UQCRH: variants seen among roughly 807,000 people sequenced by gnomAD.
UQCRH encodes cytochrome b-c1 complex subunit 6, mitochondrial.
In UQCRH, 14 loss-of-function variants were observed where a neutral mutation model predicts 16.3. The observed-to-expected ratio is 0.86, with a 90% CI of 0.57 to 1.34. UQCRH has a LOEUF of 1.34. Ranked by LOEUF, UQCRH falls within the 40% of genes most tolerant of loss-of-function variation. The pLI is 0.00. For missense variants in UQCRH, 89 were observed against 111.9 expected (o/e 0.80, Z 0.92); for synonymous variants, 41 against 41.9 (o/e 0.98, Z 0.08).
intron 2 of UQCRH, 115 bp downstream of exon 2, chr1:46,309,242 G>A: frequency 2.5e-6 from 3 of 1,212,274 alleles, no homozygotes; most frequent in South Asian, 2.9e-5. Flanking sequence ...AATGGGGGTG[G>A]AATAAGCTTT....
At chr1:46,309,330 T>C in intron 2 of UQCRH, 1 of 562,882 alleles carries the variant, frequency 1.8e-6, no homozygotes, top group Non-Finnish European at 3.0e-6. Flanking sequence ...GCTTCTTCAG[T>C]TGTGGTACCA....
chr1:46,303,726 C>G lies in UQCRH; in HGVS notation c.-41C>G. The G allele has an allele frequency of 3.1e-6, 5 of 1,613,980 alleles. No homozygotes were observed. The highest frequency in any genetic ancestry group is 3.4e-6 in the Non-Finnish European group (4 of 1,179,928). On this transcript the variant is annotated 5_prime_UTR_variant, in exon 1 of 4. Coordinates refer to ENST00000311672, the MANE Select transcript of UQCRH (RefSeq NM_006004.4). ...CTTGATCCTGAACTGGGTTAGGTGCCGCTGTTGCTGCTCGTGTTGAATCTA... is the reference window on the plus strand; with the variant it reads ...CTTGATCCTGAACTGGGTTAGGTGCGGCTGTTGCTGCTCGTGTTGAATCTA...
chr1:46,311,074 C>CAAAA (rs1196243713), intron 3 of UQCRH, among the ~76,000 whole-genome samples: 1 of 144,860 alleles, frequency 6.9e-6, no homozygotes, highest in African/African-American at 2.6e-5. Flanking sequence ...GACTCCATCT[C>CAAAA]AAAAAAAAAA....
chr1:46,305,106 C>T (rs1661341997), intron 1 of UQCRH, among the ~76,000 whole-genome samples: 1 of 150,950 alleles, frequency 6.6e-6, no homozygotes, highest in Admixed American at 6.6e-5. Flanking sequence ...TAGCATGAGT[C>T]CAGGAGTTGG....
Position 46,310,296 on chromosome 1 carries a change from T to C in UQCRH, c.223T>C (p.Leu75=), listed in dbSNP as rs773841151. The C allele has an allele frequency of 3.7e-6, 6 of 1,614,078 alleles. No homozygotes were observed. The highest frequency in any genetic ancestry group is 5.1e-6 in the Non-Finnish European group (6 of 1,179,994). The change falls in exon 3 of 4, where the codon TTG becomes CTG. Residue 75 remains leucine (L), a synonymous_variant. Coordinates refer to ENST00000311672, the MANE Select transcript of UQCRH (RefSeq NM_006004.4). ...EDCTEELFDF[L]HARDHCVAHK... ...TTGCACGGAGGAGCTCTTTGACTTC[T>C]TGCATGCGAGGGACCATTGCGTAAG... is the stretch of plus-strand genomic sequence containing the variant.
intron 1 of UQCRH, among the ~76,000 whole-genome samples, chr1:46,305,432 C>T (rs929930751): frequency 6.6e-6 from 1 of 150,958 alleles, no homozygotes; most frequent in Non-Finnish European, 1.5e-5. Flanking sequence ...GTATTCTGGC[C>T]GGGCGCGGTG....
intron 3 of UQCRH, among the ~76,000 whole-genome samples, chr1:46,315,734 A>G (rs1661572290): frequency 6.6e-6 from 1 of 152,226 alleles, no homozygotes; most frequent in African/African-American, 2.4e-5. Context: ...CAAACATGCT[A>G]AATGCTAAGG....
chr1:46,316,436 A>G (rs1015898912), intron 3 of UQCRH, 116 bp from the exon 4 acceptor site: 4 of 1,365,254 alleles, frequency 2.9e-6, no homozygotes, highest in Non-Finnish European at 4.1e-6. Context: ...CTGCTTGCCT[A>G]TGTGAGAAGG....
At chr1:46,311,038 G>A (rs1173416419) in intron 3 of UQCRH, among the ~76,000 whole-genome samples, 3 of 150,102 alleles carry the variant, frequency 2.0e-5, no homozygotes, top group Non-Finnish European at 3.0e-5. Flanking sequence ...ACTGCAGTCC[G>A]CAGTCTGGCC....
At chr1:46,306,412 C>T (rs1262228498) in intron 1 of UQCRH, among the ~76,000 whole-genome samples, 4 of 136,108 alleles carry the variant, frequency 2.9e-5, no homozygotes, top group Admixed American at 7.9e-5. Context: ...GACGGAGTCT[C>T]GCTCTTGCCT....
intron 2 of UQCRH, chr1:46,309,817 A>C (rs1661435352): frequency 8.1e-7 from 1 of 1,237,658 alleles, no homozygotes; most frequent in Non-Finnish European, 1.0e-6. Flanking sequence ...TCATATTCCA[A>C]AATGCTGTGT....
rs758927916 is a variant in UQCRH, at chr1:46,309,091, C to T, written c.55-10C>T. The T allele has an allele frequency of 2.8e-5, 45 of 1,612,956 alleles. No individual in the cohort carries two copies. Among genetic ancestry groups the T allele is most frequent in the Non-Finnish European group, 3.6e-5 (43 of 1,179,638 alleles). On this transcript the variant is annotated splice_polypyrimidine_tract_variant and intron_variant, in intron 1 of 3. Transcript: ENST00000311672. Reference sequence around the variant, plus strand: ...TTGCTGCTGACATTAATTTTGTTTTCCTTTTGTAGGAGGAAGAGGAAGAGG... The same window carrying T: ...TTGCTGCTGACATTAATTTTGTTTTTCTTTTGTAGGAGGAAGAGGAAGAGG...
At chr1:46,308,273 G>T (rs2148333831) in intron 1 of UQCRH, among the ~76,000 whole-genome samples, 1 of 152,258 alleles carries the variant, frequency 6.6e-6, no homozygotes, top group South Asian at 2.1e-4. Context: ...AGAGGGATAT[G>T]CCACACAAAA....
intron 1 of UQCRH, among the ~76,000 whole-genome samples, chr1:46,305,498 C>T (rs1246156567): frequency 1.5e-5 from 2 of 130,980 alleles, no homozygotes; most frequent in African/African-American, 5.1e-5. Flanking sequence ...ATCGGGAGGC[C>T]GAGGCGGGTG....
intron 1 of UQCRH, among the ~76,000 whole-genome samples, chr1:46,304,037 G>GA (rs781562320): frequency 6.6e-6 from 1 of 152,202 alleles, no homozygotes; most frequent in Non-Finnish European, 1.5e-5. Flanking sequence ...TGCATTCTGT[G>GA]AATGTAGTGA....
At position 46,310,193 on chromosome 1, in the gene UQCRH, G is replaced by A. The variant is rs755064731; in HGVS notation, c.120G>A (p.Leu40=). 3.7e-6 allele frequency: 6 copies of A among 1,614,216 alleles called. No individual in the cohort carries two copies. Among genetic ancestry groups the A allele is most frequent in the Non-Finnish European group, 5.1e-6 (6 of 1,180,042 alleles). ...LTTVREQCEQ[L]EKCVKARERL... is the part of the protein sequence containing the mutation. Reference sequence around the variant, plus strand: ...CAGTGAGAGAGCAATGCGAGCAGTTGGAGAAATGTGTAAAGGCCCGGGAGC... The same window carrying A: ...CAGTGAGAGAGCAATGCGAGCAGTTAGAGAAATGTGTAAAGGCCCGGGAGC... The change falls in exon 3 of 4, where the codon TTG becomes TTA. Residue 40 remains leucine, a synonymous_variant. Transcript: ENST00000311672.
intron 3 of UQCRH, among the ~76,000 whole-genome samples, chr1:46,314,362 C>T (rs1430417900): frequency 7.5e-6 from 1 of 132,930 alleles, no homozygotes; most frequent in East Asian, 2.2e-4. Flanking sequence ...AAGACTCCGT[C>T]TCAAAAAAAA....
chr1:46,303,749 C>T lies in UQCRH; in HGVS notation c.-18C>T. 4 of 1,614,158 alleles carry T rather than the reference C, an allele frequency of 2.5e-6. No individual in the cohort carries two copies. Among genetic ancestry groups the T allele is most frequent in the Non-Finnish European group, 3.4e-6 (4 of 1,180,012 alleles). ...GCCGCTGTTGCTGCTCGTGTTGAATCTAGAACCGTAGCCAGACATGGGACT... is the reference window on the plus strand; with the variant it reads ...GCCGCTGTTGCTGCTCGTGTTGAATTTAGAACCGTAGCCAGACATGGGACT... On this transcript the variant is annotated 5_prime_UTR_variant, in exon 1 of 4. Coordinates refer to ENST00000311672, the MANE Select transcript of UQCRH (RefSeq NM_006004.4).
At chr1:46,305,475 CCGAGGCGGGTGGATCGGGA>C (rs1661354825) in intron 1 of UQCRH, among the ~76,000 whole-genome samples, 1 of 13,872 alleles carries the variant, frequency 7.2e-5, no homozygotes, top group Non-Finnish European at 2.4e-4. Context: ...CTTTGGGAGG[CCGAGGCGGGTGGATCGGGA>C]GGCCGAGGCG....
Sources: allele counts gnomAD v4.1 joint callset (sites outside exome capture counted in the v4.1 genomes callset), GRCh38; gene constraint gnomAD v4.1.1; transcripts MANE v1.5; gene names NCBI Gene and HGNC (gene_info 2026-07-23, HGNC 2026-07-21).